Variants in PTPRN2 observed in about 807,000 individuals in gnomAD.
PTPRN2 encodes receptor-type tyrosine-protein phosphatase N2.
PTPRN2 carries 74 observed loss-of-function variants against 118.8 expected under a neutral mutation model. The ratio of observed to expected loss-of-function variants is 0.62; its 90% confidence interval spans 0.52 to 0.76. PTPRN2 has a LOEUF of 0.76. Among genes scored for constraint, PTPRN2 ranks in the 30% least tolerant of loss-of-function variants. The probability of loss-of-function intolerance (pLI) is 0.00; values close to 1 mark genes in which losing one functional copy is unlikely to be tolerated. For synonymous variants in PTPRN2, 641 were observed against 608.0 expected (o/e 1.05, Z -0.80); for missense variants, 1,481 against 1,394.4 (o/e 1.06, Z -0.99).
intron 12 of PTPRN2, among the ~76,000 whole-genome samples, chr7:157,762,767 GAAA>G (rs113727495): frequency 6.6e-6 from 1 of 151,922 alleles, no homozygotes; most frequent in African/African-American, 2.4e-5. Flanking sequence ...AGAGAAAAAA[GAAA>G]AAACTTTTCA....
intron 6 of PTPRN2, among the ~76,000 whole-genome samples, chr7:158,147,598 C>G (rs1820266738): frequency 7.8e-6 from 1 of 128,922 alleles, no homozygotes; most frequent in Non-Finnish European, 1.6e-5. Flanking sequence ...CTTTCCCCCT[C>G]AATGACACCC....
chr7:158,346,040 C>A (rs1276784140), intron 2 of PTPRN2, among the ~76,000 whole-genome samples: 2 of 152,308 alleles, frequency 1.3e-5, no homozygotes, highest in African/African-American at 2.4e-5. Flanking sequence ...GGTGGGGACA[C>A]AGAGCCAAAC....
intron 3 of PTPRN2, among the ~76,000 whole-genome samples, chr7:158,299,884 G>A (rs1800762668): frequency 6.6e-6 from 1 of 152,172 alleles, no homozygotes; most frequent in Admixed American, 6.5e-5. Context: ...CTTGGTCTGG[G>A]AGGAGAACGT....
At chr7:157,661,047 C>T (rs543251028) in intron 13 of PTPRN2, among the ~76,000 whole-genome samples, 2 of 152,364 alleles carry the variant, frequency 1.3e-5, no homozygotes, top group African/African-American at 2.4e-5. Context: ...AGCCACTGCA[C>T]CGGGCCAAAG....
intron 2 of PTPRN2, among the ~76,000 whole-genome samples, chr7:158,401,195 G>A (rs574133904): frequency 2.6e-4 from 38 of 145,668 alleles, no homozygotes; most frequent in African/African-American, 9.6e-4. Flanking sequence ...CCTGGAAGGC[G>A]GGCTCCAAGC....
intron 11 of PTPRN2, chr7:158,028,442 G>A: frequency 6.6e-6 from 1 of 152,524 alleles, no homozygotes; most frequent in Non-Finnish European, 1.5e-5. Flanking sequence ...CTAGGACAGA[G>A]GCCATTTCAG....
At position 158,436,194 on chromosome 7, in the gene PTPRN2, G is replaced by A. The variant is rs144245042; in HGVS notation, c.163+53541C>T. On this transcript the variant is annotated intron_variant, in intron 2 of 22. Transcript: ENST00000389418. ...TTTACCTTCTGTGCCACCAATATTC[G>A]TGTTGATTTACCAACCCATTGATAG... 1.8e-4 allele frequency among the ~76,000 whole-genome samples: 28 copies of A among 152,248 alleles called. 1 individual carries two copies. The East Asian group carries it at 4.2e-3, about 23-fold the overall frequency.
intron 9 of PTPRN2, among the ~76,000 whole-genome samples, chr7:158,124,953 G>A (rs753960299): frequency 9.2e-5 from 14 of 152,352 alleles, no homozygotes; most frequent in East Asian, 3.9e-4. Flanking sequence ...AGAAGGCCCC[G>A]CAGTGCGGAG....
intron 9 of PTPRN2, among the ~76,000 whole-genome samples, chr7:158,129,511 C>G: frequency 6.6e-6 from 1 of 151,354 alleles, no homozygotes; most frequent in Non-Finnish European, 1.5e-5. Context: ...ATGCAACATA[C>G]TACACACCAC....
intron 12 of PTPRN2, among the ~76,000 whole-genome samples, chr7:157,695,437 C>T (rs1469143090): frequency 6.6e-6 from 1 of 151,788 alleles, no homozygotes; most frequent in African/African-American, 2.4e-5. Context: ...ATTTCTAAAT[C>T]CATTTTTAAA....
chr7:157,557,328 C>T (rs890068660), intron 21 of PTPRN2, among the ~76,000 whole-genome samples: 1 of 151,826 alleles, frequency 6.6e-6, no homozygotes, highest in African/African-American at 2.4e-5. Flanking sequence ...ACAATACACC[C>T]CACATCACAC....
chr7:158,446,010 G>A (rs755142310), intron 2 of PTPRN2, among the ~76,000 whole-genome samples: 21 of 151,974 alleles, frequency 1.4e-4, no homozygotes, highest in South Asian at 2.1e-4. Context: ...GTGAGCCTTC[G>A]GACCACCCCA....
intron 15 of PTPRN2, among the ~76,000 whole-genome samples, chr7:157,612,656 G>A (rs891266924): frequency 6.6e-6 from 1 of 152,232 alleles, no homozygotes; most frequent in African/African-American, 2.4e-5. Flanking sequence ...AGCACGGGGC[G>A]CAGGGCAGAC....
At chr7:158,038,706 TTATATTA>T (rs1263484887) in intron 11 of PTPRN2, among the ~76,000 whole-genome samples, 2 of 148,628 alleles carry the variant, frequency 1.3e-5, no homozygotes, top group Non-Finnish European at 3.0e-5. Context: ...ACATGTATAT[TTATATTA>T]TATAATATGT....
chr7:158,494,305 G>A (rs1419026236), intron 1 of PTPRN2, among the ~76,000 whole-genome samples: 1 of 152,224 alleles, frequency 6.6e-6, no homozygotes, highest in East Asian at 1.9e-4. Context: ...GCCCAACCCT[G>A]TCTCTACCAC....
chr7:157,793,039 A>G lies in PTPRN2; in HGVS notation c.1788+105634T>C, dbSNP rs1804618112. On this transcript the variant is annotated intron_variant, in intron 12 of 22. Coordinates refer to ENST00000389418, the MANE Select transcript of PTPRN2 (RefSeq NM_002847.5). ...GAGATAAATTTTCTATCTATCTTGT[A>G]AGGCTTTTTTTCAGAATTAATGGGA... Among the ~76,000 whole-genome samples the G allele has an allele frequency of 2.0e-5, 3 of 152,068 alleles. 1 individual carries two copies. In the South Asian group the frequency reaches 6.2e-4, roughly 32 times the overall value.
chr7:157,910,895 T>C (rs139767845), intron 11 of PTPRN2, among the ~76,000 whole-genome samples: 2 of 152,368 alleles, frequency 1.3e-5, no homozygotes, highest in Non-Finnish European at 2.9e-5. Flanking sequence ...GGATGTTTAA[T>C]TTTGCTAACT....
Position 157,583,272 on chromosome 7 carries a change from C to T in PTPRN2, c.2497-5132G>A, listed in dbSNP as rs1263481512. Among the ~76,000 whole-genome samples the T allele has an allele frequency of 1.3e-5, 2 of 151,980 alleles. No individual in the cohort carries two copies. Among genetic ancestry groups the T allele is most frequent in the African/African-American group, 2.4e-5 (1 of 41,398 alleles). ...ACTCACATGTGGCACCTAAAAAGGACGAACTCAGGGACAGAGTAGAAGGGG... is the reference window on the plus strand; with the variant it reads ...ACTCACATGTGGCACCTAAAAAGGATGAACTCAGGGACAGAGTAGAAGGGG... On this transcript the variant is annotated intron_variant, in intron 17 of 22. Coordinates refer to ENST00000389418, the MANE Select transcript of PTPRN2 (RefSeq NM_002847.5). The surrounding 1 kb of genome is among the most constrained non-coding windows in gnomAD (Gnocchi z 5.5).
At chr7:158,505,982 CCG>C in intron 1 of PTPRN2, among the ~76,000 whole-genome samples, 2 of 152,360 alleles carry the variant, frequency 1.3e-5, no homozygotes, top group East Asian at 3.9e-4. Context: ...ACAGAGCCCA[CCG>C]CGCGTCCTCA....
Sources: allele counts gnomAD v4.1 joint callset (sites outside exome capture counted in the v4.1 genomes callset), GRCh38; gene constraint gnomAD v4.1.1; non-coding constraint Gnocchi (gnomAD v3.1); transcripts MANE v1.5; gene names NCBI Gene and HGNC (gene_info 2026-07-23, HGNC 2026-07-21).